The following GRIK4 variants were observed in gnomAD, a reference collection of about 807,000 sequenced individuals.
GRIK4 encodes glutamate ionotropic receptor kainate type subunit 4, also known as glutamate receptor ionotropic, kainate 4.
GRIK4 carries 40 observed loss-of-function variants against 104.9 expected under a neutral mutation model. The observed-to-expected ratio is 0.38, with a 90% CI of 0.30 to 0.50. The LOEUF (loss-of-function observed/expected upper bound fraction) is 0.50. GRIK4 is among the 20% of genes least tolerant of loss of function. The pLI, the probability that GRIK4 is intolerant of heterozygous loss-of-function variation, is 0.93. For synonymous variants in GRIK4, 485 were observed against 524.9 expected (o/e 0.92, Z 1.04); for missense variants, 1,047 against 1,308.1 (o/e 0.80, Z 3.08).
chr11:120,930,383 G>T (rs1174684483), intron 13 of GRIK4, among the ~76,000 whole-genome samples: 1 of 152,250 alleles, frequency 6.6e-6, no homozygotes, highest in African/African-American at 2.4e-5. Flanking sequence ...TTTATTGTGA[G>T]TTATCTGTGT....
intron 1 of GRIK4, among the ~76,000 whole-genome samples, chr11:120,590,464 A>G (rs150210248): frequency 2.6e-5 from 4 of 152,190 alleles, no homozygotes; most frequent in Non-Finnish European, 5.9e-5. Flanking sequence ...GATGAGTCCT[A>G]TCGATGCCTC....
At chr11:120,814,421 G>A (rs1432541205) in intron 4 of GRIK4, among the ~76,000 whole-genome samples, 1 of 152,126 alleles carries the variant, frequency 6.6e-6, no homozygotes, top group Admixed American at 6.5e-5. Context: ...CCAACATGGT[G>A]AAACCCCGTC....
intron 2 of GRIK4, 54 bp from the exon 3 acceptor site, chr11:120,660,215 C>T: frequency 1.3e-6 from 1 of 767,134 alleles, no homozygotes. Flanking sequence ...GATGGTGGGG[C>T]AGCTGCCTAG....
Position 120,902,389 on chromosome 11 carries a change from AGACCG to A in GRIK4, c.1273-2899_1273-2895del, listed in dbSNP as rs1310950679. Among the ~76,000 whole-genome samples, 1 of 152,180 alleles carries A rather than the reference AGACCG, an allele frequency of 6.6e-6. No individual in the cohort carries two copies. The highest frequency in any genetic ancestry group is 6.5e-5 in the Admixed American group (1 of 15,276). ...CCTTGGGCTTTCCAACGCGTCTCCA[AGACCG>A]GCCTTGTGTCTGTTCACTTTGAATA... On this transcript the variant is annotated intron_variant, in intron 12 of 20. Coordinates refer to ENST00000527524, the MANE Select transcript of GRIK4 (RefSeq NM_014619.5). The surrounding 1 kb of genome is among the most constrained non-coding windows in gnomAD (Gnocchi z 4.5).
chr11:120,917,366 T>C (rs1943133541), intron 13 of GRIK4, among the ~76,000 whole-genome samples: 1 of 151,130 alleles, frequency 6.6e-6, no homozygotes, highest in African/African-American at 2.4e-5. Context: ...ATTTAACACC[T>C]ATGTGCCAGT....
intron 3 of GRIK4, among the ~76,000 whole-genome samples, chr11:120,698,394 T>C (rs1185713077): frequency 1.3e-5 from 2 of 152,256 alleles, no homozygotes; most frequent in Non-Finnish European, 2.9e-5. Flanking sequence ...CAGCCACTGC[T>C]GGCTGTGTAA....
intron 14 of GRIK4, among the ~76,000 whole-genome samples, chr11:120,951,985 C>T (rs1944012018): frequency 6.6e-6 from 1 of 152,150 alleles, no homozygotes; most frequent in Admixed American, 6.5e-5. Flanking sequence ...CAACTGAGGC[C>T]AGAAAGGGGT....
At chr11:120,701,817 A>G (rs567569369) in intron 3 of GRIK4, among the ~76,000 whole-genome samples, 1 of 152,288 alleles carries the variant, frequency 6.6e-6, no homozygotes. Context: ...TGGCTTGTCC[A>G]GGATGCAGCA....
At chr11:120,919,924 A>T (rs902596981) in intron 13 of GRIK4, among the ~76,000 whole-genome samples, 1 of 152,000 alleles carries the variant, frequency 6.6e-6, no homozygotes, top group South Asian at 2.1e-4. Context: ...GACGGCAGAG[A>T]TAAGGAATTA....
At chr11:120,553,241 G>A (rs1948156606) in intron 1 of GRIK4, among the ~76,000 whole-genome samples, 1 of 152,210 alleles carries the variant, frequency 6.6e-6, no homozygotes, top group Non-Finnish European at 1.5e-5. Context: ...GAAACTCTGA[G>A]AGTCAGTGTT....
At chr11:120,984,679 G>T (rs1260006205) in intron 20 of GRIK4, among the ~76,000 whole-genome samples, 1 of 152,018 alleles carries the variant, frequency 6.6e-6, no homozygotes, top group Non-Finnish European at 1.5e-5. Flanking sequence ...TGAGGCAGAA[G>T]AATCGCTTGA....
chr11:120,906,814 T>C (rs1565431095), intron 13 of GRIK4, among the ~76,000 whole-genome samples: 1 of 152,094 alleles, frequency 6.6e-6, no homozygotes, highest in East Asian at 1.9e-4. Flanking sequence ...CCGAGCAGGG[T>C]AAAATGGCCA....
intron 3 of GRIK4, among the ~76,000 whole-genome samples, chr11:120,765,568 G>A (rs1327036355): frequency 1.3e-5 from 2 of 152,244 alleles, no homozygotes; most frequent in South Asian, 4.1e-4. Context: ...CAGCCTTTTT[G>A]TGCTGGTTTT....
chr11:120,923,428 T>C (rs866494842), intron 13 of GRIK4, among the ~76,000 whole-genome samples: 108 of 144,614 alleles, frequency 7.5e-4, no homozygotes, highest in Non-Finnish European at 1.0e-3. Context: ...TTTTTTTTTT[T>C]TGGAGACGGA....
chr11:120,877,193 T>A (rs1206252928), intron 11 of GRIK4, among the ~76,000 whole-genome samples: 1 of 152,206 alleles, frequency 6.6e-6, no homozygotes, highest in Non-Finnish European at 1.5e-5. Flanking sequence ...ATTTCTCAAA[T>A]GAGAGCAGGG....
chr11:120,727,580 G>A (rs1951053371), intron 3 of GRIK4, among the ~76,000 whole-genome samples: 1 of 152,022 alleles, frequency 6.6e-6, no homozygotes, highest in South Asian at 2.1e-4. Flanking sequence ...ATCCTGCTGA[G>A]CATGAAAGCA....
At chr11:120,568,062 C>T (rs2135066849) in intron 1 of GRIK4, among the ~76,000 whole-genome samples, 1 of 152,258 alleles carries the variant, frequency 6.6e-6, no homozygotes, top group East Asian at 1.9e-4. Context: ...CCTAAAATCC[C>T]AGCTACTTGG....
chr11:120,814,454 G>A (rs989847219), intron 4 of GRIK4, among the ~76,000 whole-genome samples: 1 of 152,266 alleles, frequency 6.6e-6, no homozygotes, highest in East Asian at 1.9e-4. Context: ...ACAAAAATTA[G>A]CCAGGCGTGG....
rs556179843 is a variant in GRIK4, at chr11:120,853,107, C to T, written c.745-8852C>T. Among the ~76,000 whole-genome samples, 10 of 152,154 alleles carry T rather than the reference C, an allele frequency of 6.6e-5. No individual in the cohort carries two copies. The South Asian group carries it at 1.9e-3, about 28-fold the overall frequency. ...TTGGAGAGGTAGCTTTGAACAAACTCGTGATAAAAAGCTCCAAGTGATGAC... is the reference window on the plus strand; with the variant it reads ...TTGGAGAGGTAGCTTTGAACAAACTTGTGATAAAAAGCTCCAAGTGATGAC... On this transcript the variant is annotated intron_variant, in intron 8 of 20. Transcript: ENST00000527524.
Sources: allele counts gnomAD v4.1 joint callset (sites outside exome capture counted in the v4.1 genomes callset), GRCh38; gene constraint gnomAD v4.1.1; non-coding constraint Gnocchi (gnomAD v3.1); transcripts MANE v1.5; gene names NCBI Gene and HGNC (gene_info 2026-07-23, HGNC 2026-07-21).